Variants in DPYD observed in about 807,000 individuals in gnomAD.
The protein encoded by DPYD is dihydropyrimidine dehydrogenase [NADP(+)].
Under a neutral mutation model 116.2 loss-of-function variants are expected in DPYD, and 109 were observed. That is an observed-to-expected ratio of 0.94 (90% CI 0.80 to 1.10). DPYD has a LOEUF of 1.10. Ranked by LOEUF, DPYD falls within the 50% of genes least tolerant of loss-of-function variation. The pLI is 0.00. For synonymous variants in DPYD, 440 were observed against 432.0 expected, an observed-to-expected ratio of 1.02 and a Z score of -0.23; for missense variants, 1,302 against 1,254.5, an observed-to-expected ratio of 1.04 and a Z score of -0.57.
At chr1:97,878,099 A>G (rs1672013472) in intron 2 of DPYD, among the ~76,000 whole-genome samples, 1 of 151,966 alleles carries the variant, frequency 6.6e-6, no homozygotes, top group South Asian at 2.1e-4. Context: ...CTCACCTCTC[A>G]TAGTGCTTAT....
chr1:97,724,348 GTGTGTGTGTGTGTGTGTATGAGATT>G (rs1663112067), intron 4 of DPYD, among the ~76,000 whole-genome samples: 1 of 138,054 alleles, frequency 7.2e-6, no homozygotes, highest in African/African-American at 2.8e-5. Flanking sequence ...GTGTGTGTGT[GTGTGTGTGTGTGTGTGTATGAGATT>G]TATTATAGGA....
At chr1:97,552,963 C>G (rs1444070086) in intron 11 of DPYD, among the ~76,000 whole-genome samples, 1 of 151,826 alleles carries the variant, frequency 6.6e-6, no homozygotes, top group Non-Finnish European at 1.5e-5. Context: ...TATTTTAATA[C>G]CCAATATTTG....
chr1:97,444,804 A>G (rs1675986919), intron 14 of DPYD, among the ~76,000 whole-genome samples: 2 of 152,202 alleles, frequency 1.3e-5, no homozygotes, highest in South Asian at 4.1e-4. Flanking sequence ...AACTCTTTAT[A>G]GAATACAGAA....
chr1:97,660,786 G>A (rs887500087), intron 8 of DPYD, among the ~76,000 whole-genome samples: 7 of 152,020 alleles, frequency 4.6e-5, no homozygotes, highest in Non-Finnish European at 1.0e-4. Context: ...CTATTTTTGT[G>A]TCAATGGGAA....
chr1:97,346,043 G>A (rs79426638), intron 16 of DPYD, among the ~76,000 whole-genome samples: 7,541 of 151,714 alleles, frequency 0.05, 255 homozygotes, highest in East Asian at 0.11. Context: ...GCTTTTAAAA[G>A]TTTTACCATA....
At chr1:97,242,052 T>C (rs1662370170) in intron 18 of DPYD, among the ~76,000 whole-genome samples, 1 of 146,964 alleles carries the variant, frequency 6.8e-6, no homozygotes, top group African/African-American at 2.5e-5. Context: ...TCTATGGTAG[T>C]AAATGTGTGT....
chr1:97,208,125 A>T (rs940420881), intron 19 of DPYD, among the ~76,000 whole-genome samples: 8 of 152,044 alleles, frequency 5.3e-5, no homozygotes, highest in Non-Finnish European at 1.5e-5. Context: ...TTACCAGAAG[A>T]GAGCAATTGT....
At chr1:97,080,880 TA>T (rs1433548860) in intron 22 of DPYD, among the ~76,000 whole-genome samples, 2 of 152,162 alleles carry the variant, frequency 1.3e-5, no homozygotes, top group African/African-American at 4.8e-5. Flanking sequence ...AAGATTTTTC[TA>T]AAGTTGTTCC....
intron 10 of DPYD, among the ~76,000 whole-genome samples, chr1:97,592,670 C>T (rs1267749861): frequency 2.6e-5 from 4 of 152,140 alleles, no homozygotes; most frequent in South Asian, 4.1e-4. Flanking sequence ...CACAGCCAAA[C>T]GTTATTTTTA....
intron 14 of DPYD, among the ~76,000 whole-genome samples, chr1:97,447,162 T>C (rs184839358): frequency 6.6e-5 from 10 of 152,320 alleles, no homozygotes; most frequent in African/African-American, 2.4e-4. Context: ...TTAGCTGACC[T>C]ATGTCCACAC....
At chr1:97,697,561 T>C (rs781038190) in intron 6 of DPYD, among the ~76,000 whole-genome samples, 5 of 151,962 alleles carry the variant, frequency 3.3e-5, no homozygotes, top group Admixed American at 2.0e-4. Context: ...ACAAAGGAGA[T>C]TGATTAAATA....
chr1:97,392,399 T>C (rs4634942), intron 14 of DPYD, among the ~76,000 whole-genome samples: 76,024 of 151,146 alleles, frequency 0.5, 19,336 homozygotes, highest in South Asian at 0.68. Context: ...CCGTCACCTA[T>C]GCTGGAGGGC....
intron 3 of DPYD, among the ~76,000 whole-genome samples, chr1:97,822,234 CTCT>C (rs1668978623): frequency 6.7e-6 from 1 of 148,420 alleles, no homozygotes; most frequent in African/African-American, 2.5e-5. Flanking sequence ...CTCTCTCTCT[CTCT>C]ATATATATAT....
chr1:97,206,466 A>C (rs2101858090), intron 19 of DPYD, among the ~76,000 whole-genome samples: 1 of 151,346 alleles, frequency 6.6e-6, no homozygotes, highest in Non-Finnish European at 1.5e-5. Flanking sequence ...ATATGGGGTC[A>C]GAAATTACAG....
chr1:97,239,036 C>T (rs947073601), intron 18 of DPYD, among the ~76,000 whole-genome samples: 1 of 152,132 alleles, frequency 6.6e-6, no homozygotes, highest in African/African-American at 2.4e-5. Flanking sequence ...AACATTGCTA[C>T]CAAGAACTTT....
chr1:97,918,881 C>T (rs1032998072), intron 1 of DPYD, among the ~76,000 whole-genome samples: 2 of 152,146 alleles, frequency 1.3e-5, no homozygotes, highest in Non-Finnish European at 2.9e-5. Flanking sequence ...GTATTTGAAG[C>T]TAAAACAATG....
chr1:97,278,316 T>A (rs933730172), intron 18 of DPYD, among the ~76,000 whole-genome samples: 10 of 152,102 alleles, frequency 6.6e-5, no homozygotes, highest in African/African-American at 2.2e-4. Flanking sequence ...CTATAACAAA[T>A]CTGTGTTTTT....
At chr1:97,102,506 C>G (rs1650807475) in intron 20 of DPYD, among the ~76,000 whole-genome samples, 1 of 7,780 alleles carries the variant, frequency 1.3e-4, no homozygotes, top group African/African-American at 5.1e-4. Context: ...TCCTTTATAC[C>G]TATTTCGTGT....
At chr1:97,699,271 G>GATT (rs1661462088) in intron 6 of DPYD, 80 bp downstream of exon 6, 6 of 1,398,020 alleles carry the variant, frequency 4.3e-6, no homozygotes, top group African/African-American at 1.4e-5. Flanking sequence ...GTTCCTATAT[G>GATT]ATTATGAACC....
Sources: allele counts gnomAD v4.1 joint callset (sites outside exome capture counted in the v4.1 genomes callset), GRCh38; gene constraint gnomAD v4.1.1; transcripts MANE v1.5; gene names NCBI Gene and HGNC (gene_info 2026-07-23, HGNC 2026-07-21).